CZIB: variants seen among roughly 807,000 people sequenced by gnomAD.
The protein encoded by CZIB is UPF0587 protein C1orf123.
Under a neutral mutation model 28.3 loss-of-function variants are expected in CZIB, and 26 were observed. The observed-to-expected ratio is 0.92, with a 90% CI of 0.67 to 1.27. The LOEUF is 1.27. CZIB is among the 50% of genes most tolerant of loss of function. The pLI, the probability that CZIB is intolerant of heterozygous loss-of-function variation, is 0.00. For synonymous variants in CZIB, 78 were observed against 71.1 expected (o/e 1.10, Z -0.49); for missense variants, 179 against 197.3 (o/e 0.91, Z 0.56).
intron 2 of CZIB, 117 bp from the exon 3 acceptor site, chr1:53,219,040 A>C (rs1386775315): frequency 8.4e-6 from 7 of 837,072 alleles, no homozygotes; most frequent in Non-Finnish European, 1.4e-5. Flanking sequence ...TGGCAATCTC[A>C]CTTCATCCCT....
At position 53,217,845 on chromosome 1, in the gene CZIB, C is replaced by T. The variant is rs571137307; in HGVS notation, c.261+327G>A. The stretch of plus-strand genomic sequence containing the variant: ...AAGGATGGGATGCACCAAACGACTA[C>T]CCCACCCATGGTTTCAGAGAAAGCT... On this transcript the variant is annotated intron_variant, in intron 5 of 7. Transcript: ENST00000294360. The T allele has an allele frequency of 5.7e-5, 19 of 335,426 alleles. No homozygotes were observed. In the East Asian group the frequency reaches 6.4e-4, roughly 11 times the overall value. The allele number at this position is 335,426 out of a possible 1,614,324, so 20.8% of individuals were successfully genotyped here. A position where few individuals can be genotyped will look rare whatever the true frequency, so the allele number is the denominator to read the frequency against.
At position 53,218,468 on chromosome 1, in the gene CZIB, C is replaced by T; in HGVS notation, c.175G>A (p.Gly59Ser). 1 of 1,614,196 alleles carries T rather than the reference C, an allele frequency of 6.2e-7. No individual in the cohort carries two copies. Among genetic ancestry groups the T allele is most frequent in the Non-Finnish European group, 8.5e-7 (1 of 1,180,030 alleles). Residue 59 changes from glycine to serine, a missense_variant, in exon 4 of 8, where the codon GGC becomes AGC. Physicochemically the swap from Gly to Ser is moderately conservative, Grantham distance 56. Coordinates refer to ENST00000294360, the MANE Select transcript of CZIB (RefSeq NM_017887.3). ...CACTTCTGGACCATGGAAGCACTGC[C>T]ACGGCCCCCCTTCAGTGCCACACTG... ...MDSVALKGGR[G>S]SASMVQKCKL... is the part of the protein sequence containing the mutation.
At chr1:53,215,605 G>C (rs557810388) in intron 7 of CZIB, among the ~76,000 whole-genome samples, 144 of 152,258 alleles carry the variant, frequency 9.5e-4, no homozygotes, top group Non-Finnish European at 2.0e-3. Flanking sequence ...AATACTCCCC[G>C]GGGAAATACA....
intron 5 of CZIB, 86 bp from the exon 6 acceptor site, chr1:53,216,945 C>T (rs1182997875): frequency 1.7e-6 from 2 of 1,150,802 alleles, no homozygotes; most frequent in Admixed American, 3.4e-5. Flanking sequence ...CAAATGGGCA[C>T]TTACTGCCCC....
Position 53,220,346 on chromosome 1 carries a change from T to C in CZIB, c.7-2A>G, listed in dbSNP as rs111847054. 2.5e-6 allele frequency: 4 copies of C among 1,612,406 alleles called. No individual in the cohort carries two copies. The highest frequency in any genetic ancestry group is 3.4e-6 in the Non-Finnish European group (4 of 1,179,866). On this transcript the variant is annotated splice_acceptor_variant, in intron 1 of 7. Transcript: ENST00000294360. LOFTEE classifies it high-confidence loss of function. ...GGCTTTGAGTTGCAGCGCGATTTTC[T>C]GAGGGGGAGGGCCAGAGCGACTGCG...
chr1:53,218,558 C>G, intron 3 of CZIB, 63 bp from the exon 4 acceptor site: 3 of 1,505,536 alleles, frequency 2.0e-6, no homozygotes, highest in Non-Finnish European at 2.7e-6. Flanking sequence ...CTGAGGAGAT[C>G]GAGCCCACCA....
intron 7 of CZIB, among the ~76,000 whole-genome samples, chr1:53,215,010 T>G (rs1645461114): frequency 6.6e-6 from 1 of 152,178 alleles, no homozygotes; most frequent in Admixed American, 6.5e-5. Flanking sequence ...GAGTTCATAT[T>G]GAATGTTGAA....
At position 53,214,353 on chromosome 1, in the gene CZIB, A is replaced by G. The variant is rs1037360749; in HGVS notation, c.*306T>C. 11 of 311,324 alleles carry G rather than the reference A, an allele frequency of 3.5e-5. No homozygotes were observed. Among genetic ancestry groups the G allele is most frequent in the African/African-American group, 2.3e-4 (11 of 47,818 alleles). 19.3% of individuals were successfully genotyped at this position (311,324 alleles called of 1,614,324 possible). ...TTTCATCTCTGTAAACTTGCCCTTGACTGGGGAGATACCATCTCCTTAAAA... is the reference window on the plus strand; with the variant it reads ...TTTCATCTCTGTAAACTTGCCCTTGGCTGGGGAGATACCATCTCCTTAAAA... On this transcript the variant is annotated 3_prime_UTR_variant, in exon 8 of 8. Coordinates refer to ENST00000294360, the MANE Select transcript of CZIB (RefSeq NM_017887.3).
At chr1:53,220,082 G>A (rs1360478506) in intron 2 of CZIB, 179 bp downstream of exon 2, 1 of 600,538 alleles carries the variant, frequency 1.7e-6, no homozygotes, top group Non-Finnish European at 2.9e-6. Context: ...TTCCAAGACT[G>A]CCAATTAGAG....
Position 53,218,899 on chromosome 1 carries a change from T to C in CZIB, c.115A>G (p.Ile39Val). The change falls in exon 3 of 8, where the codon ATT becomes GTT. Residue 39 changes from isoleucine (I) to valine (V), a missense_variant. Coordinates refer to ENST00000294360, the MANE Select transcript of CZIB (RefSeq NM_017887.3). ...CGGATGTACTGCCACTTGTCCGAAA[T>C]CTCACCACAGTTGCCACATTTCATC... ...LKMKCGNCGE[I>V]SDKWQYIRLM... 1 of 1,613,858 alleles carries C rather than the reference T, an allele frequency of 6.2e-7. No individual in the cohort carries two copies.
rs180916605 is a variant in CZIB, at chr1:53,219,010, C to T, written c.91-87G>A. ...GTAAGAACAGTGGGAGGTGGGCAGG[C>T]TCATGATCTACCTTCTTGATGGCAA... is the stretch of plus-strand genomic sequence containing the variant. On this transcript the variant is annotated intron_variant, in intron 2 of 7. Coordinates refer to ENST00000294360, the MANE Select transcript of CZIB (RefSeq NM_017887.3). The T allele has an allele frequency of 2.2e-4, 254 of 1,142,166 alleles. 1 individual carries two copies. Among genetic ancestry groups the T allele is most frequent in the Admixed American group, 1.2e-3 (68 of 58,404 alleles). The allele number at this position is 1,142,166 out of a possible 1,614,324, so 70.8% of individuals were successfully genotyped here.
rs772274279 is a variant in CZIB, at chr1:53,216,074, G to A, written c.340-18C>T. ...AACCCAGCCTGCAGGGCACAAGAAG[G>A]TACCAGTTAGTCTTGGCAAAAGAAG... is the stretch of plus-strand genomic sequence containing the variant. On this transcript the variant is annotated intron_variant, in intron 6 of 7. Transcript: ENST00000294360. 2 of 1,613,776 alleles carry A rather than the reference G, an allele frequency of 1.2e-6. No homozygotes were observed. The highest frequency in any genetic ancestry group is 1.7e-5 in the Admixed American group (1 of 60,018).
intron 1 of CZIB, 95 bp from the exon 2 acceptor site, chr1:53,220,439 G>A (rs1356093325): frequency 8.3e-6 from 13 of 1,575,628 alleles, no homozygotes; most frequent in Middle Eastern, 1.7e-4. Flanking sequence ...GTGCCACAGG[G>A]AGACACTCCT....
chr1:53,220,226 G>C (rs370365566), intron 2 of CZIB, 35 bp downstream of exon 2: 751 of 1,578,424 alleles, frequency 4.8e-4, no homozygotes, highest in Non-Finnish European at 6.2e-4. Flanking sequence ...AGATCAGGAC[G>C]GGCCTCCTCT....
chr1:53,218,324 C>A, intron 4 of CZIB, 90 bp downstream of exon 4: 1 of 1,578,506 alleles, frequency 6.3e-7, no homozygotes. Context: ...GGCCTGACTC[C>A]ACCCTCAGGT....
intron 2 of CZIB, chr1:53,219,700 T>C (rs912414907): frequency 6.6e-6 from 1 of 152,576 alleles, no homozygotes; most frequent in Non-Finnish European, 1.5e-5. Flanking sequence ...ACAAAAGTAG[T>C]CCGGAGGCAG....
chr1:53,217,935 G>A (rs957937443), intron 5 of CZIB: 1 of 540,062 alleles, frequency 1.9e-6, no homozygotes, highest in Admixed American at 3.6e-5. Context: ...CAGCTAGGTT[G>A]TGTCAGAGGT....
chr1:53,216,290 G>A (rs908304318), intron 6 of CZIB, among the ~76,000 whole-genome samples: 6 of 152,172 alleles, frequency 3.9e-5, no homozygotes, highest in Admixed American at 1.3e-4. Flanking sequence ...CAGGGGCAGC[G>A]TAATCCCTTC....
intron 7 of CZIB, among the ~76,000 whole-genome samples, chr1:53,215,755 G>A (rs184565553): frequency 2.1e-4 from 32 of 152,298 alleles, no homozygotes; most frequent in Non-Finnish European, 1.6e-4. Flanking sequence ...TATAGCTCAT[G>A]CCTGAATAAA....
Sources: allele counts gnomAD v4.1 joint callset (sites outside exome capture counted in the v4.1 genomes callset), GRCh38; gene constraint gnomAD v4.1.1; transcripts MANE v1.5; gene names NCBI Gene and HGNC (gene_info 2026-07-23, HGNC 2026-07-21).